PLPP4: variants seen among roughly 807,000 people sequenced by gnomAD.
The protein encoded by PLPP4 is diacylglycerol pyrophosphate like 2.
Under a neutral mutation model 32.2 loss-of-function variants are expected in PLPP4, and 20 were observed. The observed-to-expected ratio is 0.62, with a 90% CI of 0.44 to 0.90. The LOEUF (loss-of-function observed/expected upper bound fraction) is 0.90, where lower values mean the gene tolerates loss of function less well. PLPP4 is among the 40% of genes least tolerant of loss of function. The pLI is 0.00. For synonymous variants in PLPP4, 127 were observed against 133.0 expected, an observed-to-expected ratio of 0.95 and a Z score of 0.31; for missense variants, 257 against 353.1, an observed-to-expected ratio of 0.73 and a Z score of 2.18.
intron 1 of PLPP4, among the ~76,000 whole-genome samples, chr10:120,483,005 C>T (rs773755612): frequency 6.6e-5 from 10 of 152,144 alleles, no homozygotes; most frequent in Non-Finnish European, 1.2e-4. Context: ...TCTGGGTGGG[C>T]ATCATCTAAT....
At chr10:120,545,650 C>T (rs988161794) in intron 5 of PLPP4, among the ~76,000 whole-genome samples, 1 of 152,186 alleles carries the variant, frequency 6.6e-6, no homozygotes, top group Non-Finnish European at 1.5e-5. Context: ...TGTCTCGTCT[C>T]ACTCTGCCCT....
intron 6 of PLPP4, among the ~76,000 whole-genome samples, chr10:120,588,783 T>C (rs942686382): frequency 3.9e-5 from 6 of 152,212 alleles, no homozygotes; most frequent in Non-Finnish European, 4.4e-5. Context: ...TGGAGGCTCA[T>C]GCCTGTAATC....
chr10:120,572,397 T>C (rs1848985628), intron 5 of PLPP4, among the ~76,000 whole-genome samples: 1 of 152,250 alleles, frequency 6.6e-6, no homozygotes, highest in Admixed American at 6.5e-5. Context: ...CTTGGGCTGA[T>C]GACTTATATG....
intron 2 of PLPP4, among the ~76,000 whole-genome samples, chr10:120,508,637 C>T (rs1589789701): frequency 6.6e-6 from 1 of 152,296 alleles, no homozygotes; most frequent in East Asian, 1.9e-4. Flanking sequence ...GACTCACTTT[C>T]TGGGTGCAGC....
chr10:120,501,211 C>T (rs955570289), intron 1 of PLPP4, among the ~76,000 whole-genome samples: 38 of 152,320 alleles, frequency 2.5e-4, no homozygotes, highest in African/African-American at 9.1e-4. Context: ...TAATTTGTTA[C>T]GTAGCTACAG....
intron 1 of PLPP4, among the ~76,000 whole-genome samples, chr10:120,481,196 T>A (rs1297525708): frequency 6.6e-6 from 1 of 152,202 alleles, no homozygotes; most frequent in Non-Finnish European, 1.5e-5. Context: ...CTGTAGGCCA[T>A]CCAGGAGTGG....
At position 120,588,023 on chromosome 10, in the gene PLPP4, G is replaced by A. The variant is rs549188109; in HGVS notation, c.617-1280G>A. Among the ~76,000 whole-genome samples the A allele has an allele frequency of 2.6e-5, 4 of 152,344 alleles. No homozygotes were observed. The East Asian group carries it at 7.7e-4, about 29-fold the overall frequency. ...ATGAACCCGCCAGGGTGTGGACACA[G>A]CATCACGGACCAGTGCAACTGCAGG... On this transcript the variant is annotated intron_variant, in intron 6 of 6. Coordinates refer to ENST00000398250, the MANE Select transcript of PLPP4 (RefSeq NM_001030059.3).
chr10:120,525,599 G>A (rs1846354717), intron 5 of PLPP4, among the ~76,000 whole-genome samples: 1 of 152,174 alleles, frequency 6.6e-6, no homozygotes, highest in Admixed American at 6.5e-5. Flanking sequence ...CTGGGATTGG[G>A]GAGCTGAGAA....
intron 3 of PLPP4, among the ~76,000 whole-genome samples, chr10:120,516,262 G>T (rs575829460): frequency 6.6e-6 from 1 of 152,150 alleles, no homozygotes; most frequent in African/African-American, 2.4e-5. Context: ...TCGACCAGGA[G>T]GTTTAGTTCT....
chr10:120,518,777 G>T, intron 3 of PLPP4, 56 bp from the exon 4 acceptor site: 1 of 1,358,922 alleles, frequency 7.4e-7, no homozygotes, highest in Non-Finnish European at 1.0e-6. Context: ...TGATGATGAT[G>T]ATTTTGATTT....
chr10:120,575,334 A>T (rs1211253753), intron 6 of PLPP4, 33 bp downstream of exon 6: 1 of 1,597,900 alleles, frequency 6.3e-7, no homozygotes, highest in Admixed American at 1.7e-5. Context: ...ACTAGTCCTC[A>T]CTGTGGTTGC....
chr10:120,498,101 G>A (rs996470589), intron 1 of PLPP4, among the ~76,000 whole-genome samples: 2 of 151,940 alleles, frequency 1.3e-5, no homozygotes, highest in African/African-American at 4.8e-5. Context: ...AGTATGTCTT[G>A]GATTAAAATC....
At chr10:120,457,032 G>C (rs1485106468), upstream of PLPP4, 2 of 173,616 alleles carry the variant, frequency 1.2e-5, no homozygotes, top group South Asian at 3.7e-4. Flanking sequence ...AGGGATCCGG[G>C]AGTCCCTGAG....
At chr10:120,569,283 C>T (rs1668271565) in intron 5 of PLPP4, among the ~76,000 whole-genome samples, 1 of 151,732 alleles carries the variant, frequency 6.6e-6, no homozygotes, top group Admixed American at 6.6e-5. Context: ...GCTACTTTCC[C>T]TCCTTGTATC....
In PLPP4 at chr10:120,531,087, C is replaced by CT. The variant is rs71019773; in HGVS notation, c.445+10012dup. On this transcript the variant is annotated intron_variant, in intron 5 of 6. Transcript: ENST00000398250. The stretch of plus-strand genomic sequence containing the variant: ...AGAAGAAATGTATGCCTGTCATTTT[C>CT]TTTTTTTTTTTTTTTTTTTTGAGAC... 1.8e-3 allele frequency among the ~76,000 whole-genome samples: 177 copies of CT among 100,370 alleles called. 6 individuals carry two copies. The South Asian group carries it at 0.03, about 17-fold the overall frequency. 65.8% of individuals were successfully genotyped at this position (100,370 alleles called of 152,430 possible). A position where few individuals can be genotyped will look rare whatever the true frequency, so the allele number is the denominator to read the frequency against.
intron 5 of PLPP4, among the ~76,000 whole-genome samples, chr10:120,564,079 CTCA>C (rs1848573549): frequency 6.6e-6 from 1 of 151,798 alleles, no homozygotes; most frequent in Non-Finnish European, 1.5e-5. Context: ...TGCAATAATG[CTCA>C]TCTTGTTTTT....
chr10:120,466,483 T>C (rs1848318675), intron 1 of PLPP4, among the ~76,000 whole-genome samples: 1 of 152,032 alleles, frequency 6.6e-6, no homozygotes, highest in African/African-American at 2.4e-5. Context: ...ACAAAAAAAG[T>C]CACGTGAAAG....
In PLPP4 at chr10:120,457,237, G is replaced by T; in HGVS notation, c.-69G>T. ...CTCGCCTCCCAGGGTCTGGCGAGCCGGCGCCGGCCGAGCTGCGGGAGCCGC... is the reference window on the plus strand; with the variant it reads ...CTCGCCTCCCAGGGTCTGGCGAGCCTGCGCCGGCCGAGCTGCGGGAGCCGC... On this transcript the variant is annotated 5_prime_UTR_variant, in exon 1 of 7. Transcript: ENST00000398250. 1 of 1,318,990 alleles carries T rather than the reference G, an allele frequency of 7.6e-7. No individual in the cohort carries two copies. 81.7% of individuals were successfully genotyped at this position (1,318,990 alleles called of 1,614,324 possible). A position where few individuals can be genotyped will look rare whatever the true frequency, so the allele number is the denominator to read the frequency against.
At chr10:120,488,602 A>C (rs1045278608) in intron 1 of PLPP4, among the ~76,000 whole-genome samples, 1 of 152,198 alleles carries the variant, frequency 6.6e-6, no homozygotes, top group Non-Finnish European at 1.5e-5. Flanking sequence ...ACAGTTGTAA[A>C]GTAATCAGTG....
Sources: allele counts gnomAD v4.1 joint callset (sites outside exome capture counted in the v4.1 genomes callset), GRCh38; gene constraint gnomAD v4.1.1; transcripts MANE v1.5; gene names NCBI Gene and HGNC (gene_info 2026-07-23, HGNC 2026-07-21).